The following CORIN variants were observed in gnomAD, a reference collection of about 807,000 sequenced individuals.
CORIN encodes atrial natriuretic peptide-converting enzyme.
In CORIN, 117 loss-of-function variants were observed where a neutral mutation model predicts 125.3. The observed-to-expected ratio is 0.93, with a 90% CI of 0.80 to 1.09. CORIN has a LOEUF of 1.09. CORIN is among the 50% of genes least tolerant of loss of function. The pLI is 0.00. For missense variants in CORIN, 1,253 were observed against 1,306.7 expected (o/e 0.96, Z 0.63); for synonymous variants, 450 against 466.4 (o/e 0.96, Z 0.45).
chr4:47,626,197 G>A (rs1483919638), intron 17 of CORIN, among the ~76,000 whole-genome samples: 3 of 151,996 alleles, frequency 2.0e-5, no homozygotes, highest in Non-Finnish European at 4.4e-5. Context: ...TTCTGTAATC[G>A]TGAATAAAAG....
At chr4:47,641,067 T>C (rs756710702) in intron 16 of CORIN, among the ~76,000 whole-genome samples, 2 of 152,166 alleles carry the variant, frequency 1.3e-5, no homozygotes, top group African/African-American at 2.4e-5. Context: ...GGACTCAAGA[T>C]GGTGGGAGCT....
At chr4:47,774,985 G>T (rs912881559) in intron 3 of CORIN, among the ~76,000 whole-genome samples, 1 of 152,048 alleles carries the variant, frequency 6.6e-6, no homozygotes, top group Non-Finnish European at 1.5e-5. Context: ...CTAACCAATG[G>T]GTATAGAGTT....
chr4:47,693,124 G>C (rs770566043), intron 5 of CORIN, 41 bp from the exon 6 acceptor site: 1 of 1,284,686 alleles, frequency 7.8e-7, no homozygotes, highest in Non-Finnish European at 1.1e-6. Flanking sequence ...AATAAGATGG[G>C]TTTTTTTTCT....
intron 5 of CORIN, among the ~76,000 whole-genome samples, chr4:47,708,355 G>C (rs2109772197): frequency 6.6e-6 from 1 of 152,220 alleles, no homozygotes; most frequent in African/African-American, 2.4e-5. Context: ...TTTGATCTTA[G>C]GGCTGTCATC....
intron 19 of CORIN, among the ~76,000 whole-genome samples, chr4:47,606,722 T>C (rs1358553639): frequency 6.6e-6 from 1 of 151,972 alleles, no homozygotes; most frequent in Non-Finnish European, 1.5e-5. Context: ...TTCCTTTCCT[T>C]TTTTCCTTCT....
intron 5 of CORIN, among the ~76,000 whole-genome samples, chr4:47,720,024 T>C (rs984203114): frequency 6.6e-6 from 1 of 152,220 alleles, no homozygotes; most frequent in Non-Finnish European, 1.5e-5. Context: ...GCATTCTTGC[T>C]AGAAAGTATG....
At position 47,600,221 on chromosome 4, in the gene CORIN, G is replaced by A; in HGVS notation, c.2939C>T (p.Ser980Leu). 6.2e-7 allele frequency: 1 copy of A among 1,608,178 alleles called. No individual in the cohort carries two copies. Among genetic ancestry groups the A allele is most frequent in the Non-Finnish European group, 8.5e-7 (1 of 1,176,814 alleles). Residue 980 changes from serine (S) to leucine (L), a missense_variant, in exon 21 of 22, where the codon TCA becomes TTA. Ser to Leu is a moderately radical substitution (Grantham distance 145, BLOSUM62 -2). Transcript: ENST00000273857. ...CAGYESGTVD[S>L]CMGDSGGPLV... is the part of the protein sequence containing the mutation. ...AACCAGAAAGCAACTTACCATGCAT[G>A]AATCAACTGTGCCAGACTCATAGCC...
At chr4:47,649,932 A>C (rs1723667934) in intron 13 of CORIN, among the ~76,000 whole-genome samples, 1 of 152,196 alleles carries the variant, frequency 6.6e-6, no homozygotes, top group Non-Finnish European at 1.5e-5. Context: ...AGACAAAGAG[A>C]CACAAAAGCA....
intron 8 of CORIN, among the ~76,000 whole-genome samples, chr4:47,679,206 A>C (rs1404020054): frequency 6.6e-6 from 1 of 152,188 alleles, no homozygotes; most frequent in Admixed American, 6.5e-5. Flanking sequence ...GCTTCTATTC[A>C]ATCATGTATA....
chr4:47,730,472 C>CAAAA (rs71199996), intron 5 of CORIN, among the ~76,000 whole-genome samples: 7 of 66,018 alleles, frequency 1.1e-4, no homozygotes, highest in Admixed American at 1.6e-4. Flanking sequence ...GACTCCATCT[C>CAAAA]AAAAAAAAAA....
At chr4:47,626,374 C>CTCTACA in intron 17 of CORIN, 31 bp downstream of exon 17, 1 of 1,260,966 alleles carries the variant, frequency 7.9e-7, no homozygotes, top group Non-Finnish European at 1.2e-6. Flanking sequence ...TGTAATCTGA[C>CTCTACA]TCTACACAGC....
Position 47,595,768 on chromosome 4 carries a change from C to T in CORIN, c.3082G>A (p.Glu1028Lys), listed in dbSNP as rs765048638. 4.3e-6 allele frequency: 7 copies of T among 1,612,464 alleles called. No homozygotes were observed. The highest frequency in any genetic ancestry group is 3.4e-5 in the Admixed American group (2 of 59,626). The part of the protein sequence containing the change: ...GVYSNVSYFV[E>K]WIKRQIYIQT... ...ATGTAAATCTGTCTTTTAATCCATT[C>T]GACGAAATATGACACATTACTATAA... Residue 1028 changes from glutamate (E) to lysine (K), a missense_variant, in exon 22 of 22, where the codon GAA (glutamate) becomes AAA (lysine). Physicochemically the swap from Glu to Lys is moderately conservative, Grantham distance 56 (BLOSUM62 1). Coordinates refer to ENST00000273857, the MANE Select transcript of CORIN (RefSeq NM_006587.4).
intron 5 of CORIN, among the ~76,000 whole-genome samples, chr4:47,699,572 A>G (rs1267937067): frequency 6.6e-6 from 1 of 152,254 alleles, no homozygotes; most frequent in Non-Finnish European, 1.5e-5. Context: ...AGTCTAGAAT[A>G]GAACTGACAC....
chr4:47,634,191 G>A (rs1722941290), intron 16 of CORIN, among the ~76,000 whole-genome samples: 1 of 152,180 alleles, frequency 6.6e-6, no homozygotes, highest in Admixed American at 6.5e-5. Context: ...TTCCTTCTGT[G>A]TTGTGGGGAG....
chr4:47,612,892 A>G (rs1043238592), intron 19 of CORIN, among the ~76,000 whole-genome samples: 1 of 152,242 alleles, frequency 6.6e-6, no homozygotes, highest in Non-Finnish European at 1.5e-5. Flanking sequence ...CGGTGATAAA[A>G]TTACAGGAAA....
intron 19 of CORIN, among the ~76,000 whole-genome samples, chr4:47,620,507 C>T (rs1424893395): frequency 2.0e-5 from 3 of 152,066 alleles, no homozygotes; most frequent in Admixed American, 6.5e-5. Context: ...TAAACAATGA[C>T]GGCTTGTGAA....
chr4:47,765,404 A>G (rs1450368370), intron 3 of CORIN, among the ~76,000 whole-genome samples: 1 of 151,782 alleles, frequency 6.6e-6, no homozygotes, highest in Non-Finnish European at 1.5e-5. Flanking sequence ...ATTCCACTAT[A>G]TGTTGTACTG....
chr4:47,662,307 T>C (rs1406466776), intron 11 of CORIN, among the ~76,000 whole-genome samples: 1 of 152,132 alleles, frequency 6.6e-6, no homozygotes, highest in Non-Finnish European at 1.5e-5. Flanking sequence ...TTGTGAGCCA[T>C]CTCATGTGCC....
In CORIN at chr4:47,651,899, G is replaced by T. The variant is rs1005590431; in HGVS notation, c.1843+1654C>A. 7.2e-5 allele frequency among the ~76,000 whole-genome samples: 11 copies of T among 152,172 alleles called. No homozygotes were observed. The South Asian group carries it at 1.0e-3, about 14-fold the overall frequency. The stretch of plus-strand genomic sequence containing the variant: ...ACTCAGAACTTTTAGTCTTGGTAAA[G>T]TTGTTTTGTTTTGTTTTTAACTAAG... On this transcript the variant is annotated intron_variant, in intron 13 of 21. Transcript: ENST00000273857.
Sources: allele counts gnomAD v4.1 joint callset (sites outside exome capture counted in the v4.1 genomes callset), GRCh38; gene constraint gnomAD v4.1.1; transcripts MANE v1.5; gene names NCBI Gene and HGNC (gene_info 2026-07-23, HGNC 2026-07-21).